AOAH: variants seen among roughly 807,000 people sequenced by gnomAD.
AOAH encodes acyloxyacyl hydrolase, also known as acyloxyacyl hydrolase (neutrophil).
AOAH carries 64 observed loss-of-function variants against 92.2 expected under a neutral mutation model. The observed-to-expected ratio is 0.69, with a 90% CI of 0.57 to 0.86. The LOEUF is 0.86. Among genes scored for constraint, AOAH ranks in the 40% least tolerant of loss-of-function variants. The probability of loss-of-function intolerance (pLI) is 0.00; values close to 1 mark genes in which losing one functional copy is unlikely to be tolerated. For synonymous variants in AOAH, 263 were observed against 254.5 expected (o/e 1.03, Z -0.32); for missense variants, 656 against 694.6 (o/e 0.94, Z 0.62).
intron 1 of AOAH, among the ~76,000 whole-genome samples, chr7:36,690,930 C>G (rs1336745669): frequency 6.6e-6 from 1 of 152,130 alleles, no homozygotes; most frequent in Non-Finnish European, 1.5e-5. Flanking sequence ...TCTTGAAACT[C>G]TAATTATAAT....
At chr7:36,615,196 G>A (rs185690511) in intron 11 of AOAH, among the ~76,000 whole-genome samples, 2 of 152,320 alleles carry the variant, frequency 1.3e-5, no homozygotes, top group Admixed American at 6.5e-5. Flanking sequence ...CATCTGCATA[G>A]GAGTTCAGTG....
intron 11 of AOAH, among the ~76,000 whole-genome samples, chr7:36,606,863 G>A (rs913236501): frequency 2.0e-5 from 3 of 152,156 alleles, no homozygotes; most frequent in Non-Finnish European, 2.9e-5. Context: ...TGAGAAGGTC[G>A]ATTTGAACCT....
intron 4 of AOAH, among the ~76,000 whole-genome samples, chr7:36,646,554 T>C (rs1232039832): frequency 6.6e-6 from 1 of 152,242 alleles, no homozygotes; most frequent in Non-Finnish European, 1.5e-5. Context: ...AAATCAATTA[T>C]TTGTATTAGT....
At chr7:36,565,749 A>G (rs902467239) in intron 13 of AOAH, among the ~76,000 whole-genome samples, 1 of 151,830 alleles carries the variant, frequency 6.6e-6, no homozygotes, top group Admixed American at 6.6e-5. Flanking sequence ...CGCTATGCGC[A>G]GACTTGTCTT....
rs549563115 is a variant in AOAH, at chr7:36,548,613, C to G, written c.1132G>C (p.Gly378Arg). Residue 378 changes from glycine to arginine, a missense_variant and splice_region_variant, in exon 15 of 21, where the codon GGG (glycine) becomes CGG (arginine). Physicochemically the swap from Gly to Arg is moderately radical, Grantham distance 125 (BLOSUM62 -2). Transcript: ENST00000617537. ...AAATACTTTTTCTCAATAACTCACC[C>G]ACTGCAGACATCATTTCCAATCATG... ...YAMIGNDVCS[G>R]KSDPVPAMTT... 1.9e-5 allele frequency: 31 copies of G among 1,613,060 alleles called. No homozygotes were observed. Among genetic ancestry groups the G allele is most frequent in the Admixed American group, 6.7e-5 (4 of 60,012 alleles).
chr7:36,566,414 T>A (rs4236345), intron 13 of AOAH, among the ~76,000 whole-genome samples: 145,757 of 149,352 alleles, frequency 0.98, 71,232 homozygotes, highest in East Asian at 1. Context: ...CTTTTGATAA[T>A]GAGGACTGGC....
chr7:36,654,405 C>T (rs1794758103), intron 4 of AOAH, among the ~76,000 whole-genome samples: 1 of 152,076 alleles, frequency 6.6e-6, no homozygotes, highest in African/African-American at 2.4e-5. Context: ...TTTGAGCACA[C>T]AGTAGATAGT....
intron 18 of AOAH, 117 bp from the exon 19 acceptor site, chr7:36,530,631 A>G: frequency 3.0e-6 from 2 of 670,142 alleles, no homozygotes; most frequent in Non-Finnish European, 5.2e-6. Context: ...TCATTTCTCC[A>G]AGCCATCAGC....
Position 36,677,475 on chromosome 7 carries a change from A to G in AOAH, c.224-3466T>C, listed in dbSNP as rs145284753. 1.8e-3 allele frequency among the ~76,000 whole-genome samples: 267 copies of G among 152,334 alleles called. 7 individuals are homozygous for G. The East Asian group carries it at 0.049, about 28-fold the overall frequency. Reference sequence around the variant, plus strand: ...ATGTGGAGAAATCAAAAGCTTGTACAATGCTGATGGCAATGTAAACTCGTG... The same window carrying G: ...ATGTGGAGAAATCAAAAGCTTGTACGATGCTGATGGCAATGTAAACTCGTG... On this transcript the variant is annotated intron_variant, in intron 2 of 20. Coordinates refer to ENST00000617537, the MANE Select transcript of AOAH (RefSeq NM_001637.4).
Position 36,618,282 on chromosome 7 carries a change from A to T in AOAH, c.751+15T>A. The stretch of plus-strand genomic sequence containing the variant: ...TATCTATCATTATAACCACAATGAC[A>T]TCCACAATTCATACCTTCACAGAAT... On this transcript the variant is annotated intron_variant, in intron 10 of 20. Coordinates refer to ENST00000617537, the MANE Select transcript of AOAH (RefSeq NM_001637.4). 6.2e-7 allele frequency: 1 copy of T among 1,610,428 alleles called. No homozygotes were observed.
intron 15 of AOAH, among the ~76,000 whole-genome samples, chr7:36,542,910 A>AAAG (rs757003191): frequency 6.6e-6 from 1 of 152,232 alleles, no homozygotes; most frequent in Admixed American, 6.5e-5. Context: ...GAATAAAAAA[A>AAAG]AAGAAGTAAT....
intron 6 of AOAH, among the ~76,000 whole-genome samples, chr7:36,624,865 G>C (rs935226466): frequency 5.9e-5 from 9 of 152,172 alleles, no homozygotes; most frequent in African/African-American, 1.7e-4. Context: ...TGCTTCTTCT[G>C]TCCCCCTAGG....
intron 19 of AOAH, among the ~76,000 whole-genome samples, chr7:36,529,889 T>A (rs773062842): frequency 6.6e-6 from 1 of 152,216 alleles, no homozygotes; most frequent in Non-Finnish European, 1.5e-5. Flanking sequence ...TTAGTAATAT[T>A]CCTTCCAGAA....
intron 1 of AOAH, among the ~76,000 whole-genome samples, chr7:36,718,507 T>C (rs1047375880): frequency 1.3e-5 from 2 of 152,192 alleles, no homozygotes; most frequent in African/African-American, 4.8e-5. Flanking sequence ...TGTACATGAA[T>C]ATTCATAGCA....
chr7:36,714,326 C>A (rs948682083), intron 1 of AOAH, among the ~76,000 whole-genome samples: 2 of 152,144 alleles, frequency 1.3e-5, no homozygotes, highest in Admixed American at 1.3e-4. Flanking sequence ...GAAATTGAGG[C>A]AATAATTAAT....
At chr7:36,703,033 CA>C (rs1798125072) in intron 1 of AOAH, among the ~76,000 whole-genome samples, 1 of 152,096 alleles carries the variant, frequency 6.6e-6, no homozygotes, top group Non-Finnish European at 1.5e-5. Flanking sequence ...GATTTCACTT[CA>C]AAAAACATCT....
rs774938589 is a variant in AOAH, at chr7:36,513,031, G to A, written c.*221C>T. ...TGGCACCCAAAGCACTTTATGAAAG[G>A]TTATTTCAGGAACAGCGGAAGGGTT... is the stretch of plus-strand genomic sequence containing the variant. On this transcript the variant is annotated 3_prime_UTR_variant, in exon 21 of 21. Transcript: ENST00000617537. 6.5e-7 allele frequency: 1 copy of A among 1,535,142 alleles called. No individual in the cohort carries two copies. Among genetic ancestry groups the A allele is most frequent in the East Asian group, 2.4e-5 (1 of 41,060 alleles).
chr7:36,708,890 G>T (rs981387728), intron 1 of AOAH, among the ~76,000 whole-genome samples: 2 of 152,066 alleles, frequency 1.3e-5, no homozygotes, highest in Non-Finnish European at 2.9e-5. Flanking sequence ...CCCTACAATG[G>T]CCTCTAACTG....
chr7:36,698,270 A>C (rs917663493), intron 1 of AOAH, among the ~76,000 whole-genome samples: 1 of 152,134 alleles, frequency 6.6e-6, no homozygotes, highest in African/African-American at 2.4e-5. Flanking sequence ...TTGGGTCTAC[A>C]GTGATGTCCC....
Sources: gnomAD v4.1 joint callset for allele counts (sites outside exome capture counted in the v4.1 genomes callset) on GRCh38, gnomAD v4.1.1 for gene constraint, MANE v1.5 for transcripts, NCBI Gene and HGNC (gene_info 2026-07-23, HGNC 2026-07-21) for gene names.